Variants in GABRA3 observed in about 807,000 individuals in gnomAD.
GABRA3 encodes gamma-aminobutyric acid receptor subunit alpha-3.
GABRA3 carries 10 observed loss-of-function variants against 30.1 expected under a neutral mutation model. The observed-to-expected ratio is 0.33, with a 90% CI of 0.20 to 0.56. The LOEUF (loss-of-function observed/expected upper bound fraction) is 0.56, where lower values mean the gene tolerates loss of function less well. Ranked by LOEUF, GABRA3 falls within the 20% of genes least tolerant of loss-of-function variation. The pLI is 0.89. For synonymous variants in GABRA3, 151 were observed against 146.8 expected (o/e 1.03, Z -0.21); for missense variants, 233 against 392.0 (o/e 0.59, Z 3.42).
intron 5 of GABRA3, among the ~76,000 whole-genome samples, chrX:152,241,136 C>G: frequency 9.7e-6 from 1 of 102,865 alleles, no homozygotes; most frequent in East Asian, 3.1e-4. Context: ...GTTTTATCTA[C>G]TTTTGGTCTT....
intron 1 of GABRA3, among the ~76,000 whole-genome samples, chrX:152,379,184 C>A (rs994981473): frequency 9.0e-6 from 1 of 111,330 alleles, no homozygotes; most frequent in African/African-American, 3.3e-5. Flanking sequence ...AAAAATCTCA[C>A]TAGGTATATT....
intron 6 of GABRA3, among the ~76,000 whole-genome samples, chrX:152,212,924 C>A (rs930913113): frequency 5.4e-5 from 6 of 110,971 alleles, no homozygotes; most frequent in African/African-American, 2.0e-4. Context: ...TATAAAACTG[C>A]CCCCTCATCT....
chrX:152,174,150 A>G (rs1196909102), intron 9 of GABRA3, among the ~76,000 whole-genome samples: 1 of 110,972 alleles, frequency 9.0e-6, no homozygotes, highest in East Asian at 2.8e-4. Context: ...ATAGTATTCC[A>G]TGGTGTATAT....
chrX:152,205,703 T>A (rs1260053052), intron 7 of GABRA3, among the ~76,000 whole-genome samples: 2 of 111,726 alleles, frequency 1.8e-5, no homozygotes, highest in African/African-American at 6.5e-5. Flanking sequence ...TTTTACTAAA[T>A]CTTGTGTACA....
chrX:152,241,924 A>G lies in GABRA3; in HGVS notation c.551+13854T>C, dbSNP rs113464552. Among the ~76,000 whole-genome samples the G allele has an allele frequency of 8.1e-3, 899 of 111,010 alleles. 13 individuals carry two copies. The highest frequency in any genetic ancestry group is 0.028 in the African/African-American group (867 of 30,507). On this transcript the variant is annotated intron_variant, in intron 5 of 9. Coordinates refer to ENST00000370314, the MANE Select transcript of GABRA3 (RefSeq NM_000808.4). ...CTGTCTGGCACTCCCTAGTTAGATAAACCCGGTACCTCAGATGGAAATGCA... is the reference window on the plus strand; with the variant it reads ...CTGTCTGGCACTCCCTAGTTAGATAGACCCGGTACCTCAGATGGAAATGCA...
At chrX:152,381,232 G>A (rs1016637094) in intron 1 of GABRA3, among the ~76,000 whole-genome samples, 1 of 111,814 alleles carries the variant, frequency 8.9e-6, no homozygotes, top group Non-Finnish European at 1.9e-5. Flanking sequence ...CCCAGCCTCA[G>A]GTATTCCTTT....
At chrX:152,359,672 T>G in intron 2 of GABRA3, among the ~76,000 whole-genome samples, 1 of 111,385 alleles carries the variant, frequency 9.0e-6, no homozygotes, top group South Asian at 3.9e-4. Flanking sequence ...TCTGTGTAAC[T>G]TTTTGACTTG....
intron 6 of GABRA3, among the ~76,000 whole-genome samples, chrX:152,216,436 AC>A (rs1937725743): frequency 2.0e-5 from 2 of 97,968 alleles, no homozygotes; most frequent in Admixed American, 2.2e-4. Context: ...ACACACACAC[AC>A]ACACAATGGA....
At chrX:152,427,076 GTT>G (rs1569422963) in intron 1 of GABRA3, among the ~76,000 whole-genome samples, 4 of 110,991 alleles carry the variant, frequency 3.6e-5, no homozygotes, top group Non-Finnish European at 7.6e-5. Flanking sequence ...CCTCATTACT[GTT>G]CTCCATCTCC....
intron 4 of GABRA3, among the ~76,000 whole-genome samples, chrX:152,259,029 C>T (rs1938685257): frequency 8.9e-6 from 1 of 112,025 alleles, no homozygotes; most frequent in Admixed American, 9.4e-5. Flanking sequence ...TCTGCTGTCA[C>T]TGGTGGTGTG....
Position 152,224,704 on chromosome X carries a change from G to T in GABRA3, c.634+59C>A, listed in dbSNP as rs956876939. On this transcript the variant is annotated intron_variant, in intron 6 of 9. Coordinates refer to ENST00000370314, the MANE Select transcript of GABRA3 (RefSeq NM_000808.4). Reference sequence around the variant, plus strand: ...CAGTGGACAGAATATAATATGTTAAGTTTCTTTTGGAAGATCAGGCAAAAA... The same window carrying T: ...CAGTGGACAGAATATAATATGTTAATTTTCTTTTGGAAGATCAGGCAAAAA... 7.0e-6 allele frequency: 6 copies of T among 851,552 alleles called. No homozygotes were observed. In the East Asian group the frequency reaches 1.6e-4, roughly 22 times the overall value. The allele number at this position is 851,552 out of a possible 1,213,427, so 70.2% of individuals were successfully genotyped here.
At chrX:152,356,457 CA>C (rs1482906849) in intron 2 of GABRA3, among the ~76,000 whole-genome samples, 1 of 111,571 alleles carries the variant, frequency 9.0e-6, no homozygotes, top group Non-Finnish European at 1.9e-5. Context: ...AAAGCAGCAG[CA>C]GCTCTTAAGT....
At chrX:152,176,663 T>C (rs1176211400) in intron 9 of GABRA3, among the ~76,000 whole-genome samples, 1 of 111,334 alleles carries the variant, frequency 9.0e-6, no homozygotes, top group Non-Finnish European at 1.9e-5. Flanking sequence ...TGAGGAGTTG[T>C]GTTTGGATAT....
chrX:152,308,114 G>A (rs1158363256), intron 3 of GABRA3, among the ~76,000 whole-genome samples: 2 of 112,365 alleles, frequency 1.8e-5, no homozygotes, highest in African/African-American at 3.2e-5. Context: ...CTTTCCCAGG[G>A]TCCCTGCCTG....
At chrX:152,284,956 A>G (rs949214410) in intron 3 of GABRA3, among the ~76,000 whole-genome samples, 5 of 111,551 alleles carry the variant, frequency 4.5e-5, no homozygotes, top group Non-Finnish European at 9.4e-5. Flanking sequence ...GCATAATACC[A>G]AAACAACAAA....
At chrX:152,189,080 A>C (rs1468015823) in intron 9 of GABRA3, among the ~76,000 whole-genome samples, 2 of 112,420 alleles carry the variant, frequency 1.8e-5, no homozygotes, top group Admixed American at 1.9e-4. Context: ...CTAGCTAGAA[A>C]TAAGAGGCAG....
chrX:152,375,600 C>T (rs1332668680), intron 1 of GABRA3, among the ~76,000 whole-genome samples: 1 of 112,128 alleles, frequency 8.9e-6, no homozygotes, highest in Non-Finnish European at 1.9e-5. Context: ...ACTTGGACTA[C>T]TCTTTCAGCA....
chrX:152,173,647 G>A (rs912636302), intron 9 of GABRA3, among the ~76,000 whole-genome samples: 1 of 109,825 alleles, frequency 9.1e-6, no homozygotes, highest in Non-Finnish European at 1.9e-5. Flanking sequence ...GTAGAGAAGG[G>A]AGTTTCTCCA....
intron 1 of GABRA3, among the ~76,000 whole-genome samples, chrX:152,372,459 C>T (rs760156782): frequency 8.9e-6 from 1 of 111,925 alleles, no homozygotes; most frequent in Admixed American, 9.5e-5. Context: ...ATTCCACTTT[C>T]TTATGGGATA....
Sources: allele counts gnomAD v4.1 joint callset (sites outside exome capture counted in the v4.1 genomes callset), GRCh38; gene constraint gnomAD v4.1.1; transcripts MANE v1.5; gene names NCBI Gene and HGNC (gene_info 2026-07-23, HGNC 2026-07-21).